Variants in IL20RB observed in about 807,000 individuals in gnomAD.
The protein encoded by IL20RB is interleukin-20 receptor subunit beta.
In IL20RB, 21 loss-of-function variants were observed where a neutral mutation model predicts 33.3. The observed-to-expected ratio is 0.63, with a 90% CI of 0.45 to 0.91. IL20RB has a LOEUF of 0.91. IL20RB is among the 40% of genes least tolerant of loss of function. The pLI, the probability that IL20RB is intolerant of heterozygous loss-of-function variation, is 0.00. For missense variants in IL20RB, 345 were observed against 384.8 expected, an observed-to-expected ratio of 0.90 and a Z score of 0.86; for synonymous variants, 147 against 146.8, an observed-to-expected ratio of 1.00 and a Z score of -0.01.
At chr3:136,998,231 C>A (rs1942174365) in intron 6 of IL20RB, among the ~76,000 whole-genome samples, 1 of 115,586 alleles carries the variant, frequency 8.7e-6, no homozygotes, top group Non-Finnish European at 1.8e-5. Flanking sequence ...AGTTATTCTT[C>A]TTCACATTAC....
chr3:136,978,928 T>A (rs1941699873), intron 1 of IL20RB, among the ~76,000 whole-genome samples: 2 of 152,172 alleles, frequency 1.3e-5, no homozygotes, highest in Admixed American at 6.5e-5. Context: ...AGCTTTAAAG[T>A]TATATAATTA....
chr3:137,003,312 T>G (rs1032238456), intron 6 of IL20RB, among the ~76,000 whole-genome samples: 3 of 152,140 alleles, frequency 2.0e-5, no homozygotes, highest in Non-Finnish European at 4.4e-5. Flanking sequence ...TGAAGAAAGT[T>G]ATTGGTAGCT....
chr3:136,960,026 T>C (rs1359861582), intron 1 of IL20RB, among the ~76,000 whole-genome samples: 2 of 152,136 alleles, frequency 1.3e-5, no homozygotes, highest in African/African-American at 4.8e-5. Context: ...GTTGTCTTTA[T>C]GCAGTTTTGA....
chr3:136,986,964 C>G (rs1941916304), intron 3 of IL20RB, among the ~76,000 whole-genome samples: 1 of 151,724 alleles, frequency 6.6e-6, no homozygotes, highest in Admixed American at 6.6e-5. Context: ...GTTCGTTCCT[C>G]CTGGTGGGCT....
intron 1 of IL20RB, 130 bp downstream of exon 1, chr3:136,958,331 T>A (rs1363895854): frequency 5.1e-6 from 3 of 584,216 alleles, no homozygotes; most frequent in Non-Finnish European, 9.0e-6. Context: ...TACAAAAGAT[T>A]TATCACCTCC....
chr3:136,975,694 A>G (rs1941599839), intron 1 of IL20RB, among the ~76,000 whole-genome samples: 8 of 152,144 alleles, frequency 5.3e-5, no homozygotes, highest in Admixed American at 5.2e-4. Context: ...ATGTGATTTC[A>G]TCAGTGGGTT....
intron 1 of IL20RB, among the ~76,000 whole-genome samples, chr3:136,976,232 T>G (rs1327884202): frequency 6.6e-6 from 1 of 152,116 alleles, no homozygotes; most frequent in Non-Finnish European, 1.5e-5. Flanking sequence ...GAAGCTGGGT[T>G]GGGTGGGCTT....
At chr3:136,978,022 C>T (rs1466723626) in intron 1 of IL20RB, among the ~76,000 whole-genome samples, 3 of 152,070 alleles carry the variant, frequency 2.0e-5, no homozygotes, top group Non-Finnish European at 4.4e-5. Flanking sequence ...GACATTCTTG[C>T]CTATTCCTGA....
At chr3:137,009,471 T>C (rs1196881200) in intron 6 of IL20RB, among the ~76,000 whole-genome samples, 1 of 152,186 alleles carries the variant, frequency 6.6e-6, no homozygotes, top group East Asian at 1.9e-4. Flanking sequence ...TGCTAGGTGC[T>C]GTTCATAAAG....
At chr3:137,009,771 A>G (rs1239133423) in intron 6 of IL20RB, among the ~76,000 whole-genome samples, 1 of 152,052 alleles carries the variant, frequency 6.6e-6, no homozygotes, top group Non-Finnish European at 1.5e-5. Context: ...CCTGGGCTCA[A>G]GCGATCTGCC....
chr3:136,980,279 A>T, intron 1 of IL20RB, 187 bp from the exon 2 acceptor site: 2 of 614,690 alleles, frequency 3.3e-6, no homozygotes, highest in Non-Finnish European at 5.6e-6. Context: ...TCTGGTTTAT[A>T]AACATGTGAG....
chr3:136,993,406 A>G (rs1285002407), intron 5 of IL20RB, among the ~76,000 whole-genome samples: 4 of 152,278 alleles, frequency 2.6e-5, no homozygotes, highest in African/African-American at 9.6e-5. Context: ...TTTCATGTCA[A>G]TACATATGGA....
intron 3 of IL20RB, among the ~76,000 whole-genome samples, chr3:136,987,400 G>T (rs1232523056): frequency 1.3e-5 from 2 of 152,188 alleles, no homozygotes; most frequent in African/African-American, 4.8e-5. Flanking sequence ...TAGACACAGG[G>T]TGCTGATTGG....
chr3:136,983,216 T>A (rs1941824313), intron 3 of IL20RB, among the ~76,000 whole-genome samples: 1 of 151,968 alleles, frequency 6.6e-6, no homozygotes, highest in Non-Finnish European at 1.5e-5. Flanking sequence ...GCCTCCTGAG[T>A]AGCTGGGACT....
chr3:136,977,770 C>T (rs1941661310), intron 1 of IL20RB, among the ~76,000 whole-genome samples: 1 of 152,172 alleles, frequency 6.6e-6, no homozygotes, highest in Non-Finnish European at 1.5e-5. Context: ...AGGCGATCTG[C>T]CTGCCTTGGT....
chr3:136,989,516 C>A lies in IL20RB; in HGVS notation c.482C>A (p.Pro161His). The A allele has an allele frequency of 1.2e-6, 2 of 1,614,012 alleles. No individual in the cohort carries two copies. The highest frequency in any genetic ancestry group is 1.7e-6 in the Non-Finnish European group (2 of 1,179,972). The change falls in exon 4 of 7, where the codon CCC becomes CAC. Residue 161 changes from proline to histidine, a missense_variant. Transcript: ENST00000329582. ...GTTATTGAGCTGGAGGACCTGGGGC[C>A]CCAGTTTGAGTTCCTTGTGGCCTAC... is the stretch of plus-strand genomic sequence containing the variant. Reference protein sequence around the residue: ...HLVIELEDLGPQFEFLVAYWR... With the variant: ...HLVIELEDLGHQFEFLVAYWR...
At chr3:136,988,742 C>G (rs192836370) in intron 3 of IL20RB, among the ~76,000 whole-genome samples, 18 of 150,010 alleles carry the variant, frequency 1.2e-4, no homozygotes, top group Admixed American at 1.1e-3. Flanking sequence ...GAGACCCTGT[C>G]TGAAAAAAAA....
At chr3:137,006,205 CT>C (rs1463226764) in intron 6 of IL20RB, among the ~76,000 whole-genome samples, 2 of 151,880 alleles carry the variant, frequency 1.3e-5, no homozygotes, top group Non-Finnish European at 2.9e-5. Context: ...ACACTTTTTC[CT>C]TCATTTCAAC....
At chr3:136,986,835 T>A in intron 3 of IL20RB, 1 of 444,778 alleles carries the variant, frequency 2.2e-6, no homozygotes, top group Non-Finnish European at 4.5e-6. Flanking sequence ...TCCCTTCTGA[T>A]GTTCGGATGT....
Sources: allele counts gnomAD v4.1 joint callset (sites outside exome capture counted in the v4.1 genomes callset), GRCh38; gene constraint gnomAD v4.1.1; transcripts MANE v1.5; gene names NCBI Gene and HGNC (gene_info 2026-07-23, HGNC 2026-07-21).